The following NKAIN2 variants were observed in gnomAD, a reference collection of about 807,000 sequenced individuals.
NKAIN2 encodes sodium/potassium-transporting ATPase subunit beta-1-interacting protein 2.
In NKAIN2, 14 loss-of-function variants were observed where a neutral mutation model predicts 32.6. That is an observed-to-expected ratio of 0.43 (90% CI 0.28 to 0.67). The LOEUF is 0.67. Among genes scored for constraint, NKAIN2 ranks in the 30% least tolerant of loss-of-function variants. The pLI, the probability that NKAIN2 is intolerant of heterozygous loss-of-function variation, is 0.17. For synonymous variants in NKAIN2, 80 were observed against 87.2 expected, an observed-to-expected ratio of 0.92 and a Z score of 0.46; for missense variants, 198 against 258.3, an observed-to-expected ratio of 0.77 and a Z score of 1.60.
intron 1 of NKAIN2, among the ~76,000 whole-genome samples, chr6:124,148,895 G>T (rs886457982): frequency 5.9e-5 from 9 of 152,186 alleles, no homozygotes; most frequent in Non-Finnish European, 1.2e-4. Context: ...TTTCTGAAGT[G>T]ACTGCATTAT....
chr6:124,256,618 T>C (rs1338223668), intron 1 of NKAIN2, among the ~76,000 whole-genome samples: 1 of 152,186 alleles, frequency 6.6e-6, no homozygotes, highest in Non-Finnish European at 1.5e-5. Flanking sequence ...TTGAAAAATC[T>C]TAATTTCCAG....
At chr6:124,812,905 T>C (rs910001724) in intron 5 of NKAIN2, among the ~76,000 whole-genome samples, 1 of 152,138 alleles carries the variant, frequency 6.6e-6, no homozygotes, top group African/African-American at 2.4e-5. Flanking sequence ...TCCTTCCTCA[T>C]TCTCCTAATT....
intron 1 of NKAIN2, among the ~76,000 whole-genome samples, chr6:123,896,966 T>A (rs996722597): frequency 3.3e-5 from 5 of 152,134 alleles, no homozygotes; most frequent in Non-Finnish European, 5.9e-5. Context: ...TGACCCCAAT[T>A]ACTCAAGCAA....
At chr6:124,152,078 ATTACC>A (rs1787754720) in intron 1 of NKAIN2, among the ~76,000 whole-genome samples, 1 of 151,916 alleles carries the variant, frequency 6.6e-6, no homozygotes, top group Non-Finnish European at 1.5e-5. Context: ...TAGAAAACTT[ATTACC>A]TTATTTTTCA....
At chr6:124,537,527 AACAC>A (rs1336877372) in intron 3 of NKAIN2, among the ~76,000 whole-genome samples, 1 of 152,216 alleles carries the variant, frequency 6.6e-6, no homozygotes, top group African/African-American at 2.4e-5. Context: ...TATTTTTATA[AACAC>A]ACACAGTATA....
At chr6:124,322,493 T>C (rs1797238565) in intron 2 of NKAIN2, among the ~76,000 whole-genome samples, 1 of 152,160 alleles carries the variant, frequency 6.6e-6, no homozygotes, top group Admixed American at 6.5e-5. Context: ...GATTCCACCA[T>C]GATAAAAATA....
chr6:124,384,546 G>A (rs1772801463), intron 3 of NKAIN2, among the ~76,000 whole-genome samples: 1 of 152,154 alleles, frequency 6.6e-6, no homozygotes, highest in African/African-American at 2.4e-5. Flanking sequence ...AAATTATTGA[G>A]ATGAGCAAGG....
At chr6:124,564,524 C>T (rs11154244) in intron 3 of NKAIN2, among the ~76,000 whole-genome samples, 8,566 of 152,196 alleles carry the variant, frequency 0.056, 341 homozygotes, top group East Asian at 0.2. Context: ...GCAACCTGCT[C>T]GGGTCCCATT....
chr6:124,659,384 A>G (rs1167610043), intron 4 of NKAIN2, among the ~76,000 whole-genome samples: 1 of 152,068 alleles, frequency 6.6e-6, no homozygotes. Flanking sequence ...AGTGGCATAC[A>G]ATTCAGAGAA....
intron 4 of NKAIN2, among the ~76,000 whole-genome samples, chr6:124,705,425 T>TA (rs1005228266): frequency 3.7e-4 from 50 of 133,562 alleles, no homozygotes; most frequent in South Asian, 1.5e-3. Flanking sequence ...GCTGCTTTCT[T>TA]GTTGTTGTCT....
rs193167491 is a variant in NKAIN2, at chr6:123,914,877, T to A, written c.54+110623T>A. Among the ~76,000 whole-genome samples, 255 of 152,308 alleles carry A rather than the reference T, an allele frequency of 1.7e-3. 1 individual carries two copies. The highest frequency in any genetic ancestry group is 3.2e-3 in the Admixed American group (49 of 15,286). On this transcript the variant is annotated intron_variant, in intron 1 of 6. Coordinates refer to ENST00000368417, the MANE Select transcript of NKAIN2 (RefSeq NM_001040214.3). ...TGACTTAGAAAGAACTTGATCATGC[T>A]TTTGGAGTCTCTATGTGTTCTCTCT...
chr6:124,516,434 C>T (rs1263409055), intron 3 of NKAIN2, among the ~76,000 whole-genome samples: 3 of 151,968 alleles, frequency 2.0e-5, no homozygotes, highest in Non-Finnish European at 4.4e-5. Flanking sequence ...TCTCCTAAAT[C>T]GAGACTGCTC....
At chr6:123,884,889 C>G (rs1011129530) in intron 1 of NKAIN2, among the ~76,000 whole-genome samples, 1 of 152,050 alleles carries the variant, frequency 6.6e-6, no homozygotes, top group Non-Finnish European at 1.5e-5. Flanking sequence ...TTAACAGTGT[C>G]TATATTTTTA....
At chr6:124,476,061 A>AGTGTGTGTGTGT (rs1439410249) in intron 3 of NKAIN2, among the ~76,000 whole-genome samples, 9 of 85,638 alleles carry the variant, frequency 1.1e-4, no homozygotes, top group African/African-American at 4.7e-4. Context: ...AGAGAGAGAG[A>AGTGTGTGTGTGT]GAGAGTGTGT....
At chr6:124,001,886 T>C (rs1285673191) in intron 1 of NKAIN2, among the ~76,000 whole-genome samples, 1 of 149,836 alleles carries the variant, frequency 6.7e-6, no homozygotes, top group Non-Finnish European at 1.5e-5. Context: ...GGAGGAACAT[T>C]ATTTGCCATG....
chr6:124,653,976 G>A (rs748587950), intron 3 of NKAIN2, among the ~76,000 whole-genome samples: 48 of 152,080 alleles, frequency 3.2e-4, no homozygotes, highest in Non-Finnish European at 6.8e-4. Flanking sequence ...TATGTCATCA[G>A]GGAAATGCAA....
chr6:124,127,034 A>G (rs1449318511), intron 1 of NKAIN2, among the ~76,000 whole-genome samples: 1 of 152,200 alleles, frequency 6.6e-6, no homozygotes, highest in Admixed American at 6.5e-5. Flanking sequence ...ATGATATGAT[A>G]TGTTTCTGAA....
At chr6:124,634,515 C>T (rs1783697525) in intron 3 of NKAIN2, among the ~76,000 whole-genome samples, 1 of 151,896 alleles carries the variant, frequency 6.6e-6, no homozygotes, top group Non-Finnish European at 1.5e-5. Flanking sequence ...AATTTTTGAA[C>T]TTGAAAAGGA....
chr6:124,494,150 C>T (rs1777978616), intron 3 of NKAIN2, among the ~76,000 whole-genome samples: 1 of 152,050 alleles, frequency 6.6e-6, no homozygotes. Context: ...AATCGTATTG[C>T]ATGGCTTAGG....
Sources: allele counts gnomAD v4.1 joint callset (sites outside exome capture counted in the v4.1 genomes callset), GRCh38; gene constraint gnomAD v4.1.1; transcripts MANE v1.5; gene names NCBI Gene and HGNC (gene_info 2026-07-23, HGNC 2026-07-21).